PTPN12: variants seen among roughly 807,000 people sequenced by gnomAD.
The protein encoded by PTPN12 is protein tyrosine phosphatase non-receptor type 12.
Under a neutral mutation model 97.6 loss-of-function variants are expected in PTPN12, and 29 were observed. The observed-to-expected ratio is 0.30, with a 90% CI of 0.22 to 0.41. The LOEUF is 0.41. Among genes scored for constraint, PTPN12 ranks in the 10% least tolerant of loss-of-function variants. PTPN12 has a pLI of 1.00. For synonymous variants in PTPN12, 327 were observed against 300.4 expected, an observed-to-expected ratio of 1.09 and a Z score of -0.91; for missense variants, 819 against 926.0, an observed-to-expected ratio of 0.88 and a Z score of 1.50.
chr7:77,591,220 C>A (rs755061918), intron 5 of PTPN12, among the ~76,000 whole-genome samples: 8 of 152,154 alleles, frequency 5.3e-5, no homozygotes, highest in Non-Finnish European at 1.0e-4. Context: ...TAGGTAATAA[C>A]TCCATTTACT....
chr7:77,579,591 A>G (rs546072670), intron 2 of PTPN12, among the ~76,000 whole-genome samples: 1 of 152,356 alleles, frequency 6.6e-6, no homozygotes, highest in East Asian at 1.9e-4. Context: ...AAGTTCAGTG[A>G]GAGGCATGGG....
At chr7:77,580,096 CCAT>C (rs1428680887) in intron 2 of PTPN12, among the ~76,000 whole-genome samples, 2 of 152,022 alleles carry the variant, frequency 1.3e-5, no homozygotes, top group Non-Finnish European at 2.9e-5. Flanking sequence ...AAAAAATGGC[CCAT>C]CAGTAGAGTA....
Position 77,610,033 on chromosome 7 carries a change from C to T in PTPN12, c.763-732C>T, listed in dbSNP as rs1358490347. Among the ~76,000 whole-genome samples the T allele has an allele frequency of 2.0e-5, 3 of 152,226 alleles. No homozygotes were observed. In the East Asian group the frequency reaches 5.8e-4, roughly 29 times the overall value. ...GTTATGATATTTCTGCTTCTGTAAA[C>T]CTCCGCCAGTTTCTCACTCTTTCAG... On this transcript the variant is annotated intron_variant, in intron 9 of 17. Coordinates refer to ENST00000248594, the MANE Select transcript of PTPN12 (RefSeq NM_002835.4).
intron 12 of PTPN12, among the ~76,000 whole-genome samples, chr7:77,623,402 A>T (rs1169238693): frequency 6.6e-6 from 1 of 152,226 alleles, no homozygotes; most frequent in Non-Finnish European, 1.5e-5. Flanking sequence ...TTGTTAATCA[A>T]GTAAATCTGT....
chr7:77,582,940 G>A (rs1255744945), intron 3 of PTPN12, among the ~76,000 whole-genome samples: 1 of 152,054 alleles, frequency 6.6e-6, no homozygotes, highest in Non-Finnish European at 1.5e-5. Context: ...TATTTCAGAT[G>A]TTGTCAATGT....
intron 12 of PTPN12, among the ~76,000 whole-genome samples, chr7:77,623,803 A>T (rs1789031227): frequency 6.6e-6 from 1 of 152,200 alleles, no homozygotes; most frequent in South Asian, 2.1e-4. Context: ...ATTTATATCA[A>T]AATTTTATCT....
At position 77,597,832 on chromosome 7, in the gene PTPN12, CTTTAT is replaced by C; in HGVS notation, c.493-7_493-3del. 6.2e-7 allele frequency: 1 copy of C among 1,603,672 alleles called. No individual in the cohort carries two copies. The highest frequency in any genetic ancestry group is 8.5e-7 in the Non-Finnish European group (1 of 1,176,120). On this transcript the variant is annotated splice_region_variant and splice_polypyrimidine_tract_variant and intron_variant, in intron 6 of 17. Transcript: ENST00000248594. ...TTTTCACTGACTTAGAAATGTTTCT[CTTTAT>C]TTAGGAGGATGAACAAGCAAGAACA...
At chr7:77,539,762 G>A (rs1806861671) in intron 1 of PTPN12, among the ~76,000 whole-genome samples, 1 of 152,136 alleles carries the variant, frequency 6.6e-6, no homozygotes, top group Non-Finnish European at 1.5e-5. Context: ...CTGAGTAGCT[G>A]AGATTATAGG....
chr7:77,606,691 A>G (rs1009984108), intron 8 of PTPN12, among the ~76,000 whole-genome samples: 1 of 152,278 alleles, frequency 6.6e-6, no homozygotes, highest in Admixed American at 6.5e-5. Context: ...AACACTTTGT[A>G]AGTTTTAAAT....
intron 2 of PTPN12, among the ~76,000 whole-genome samples, chr7:77,581,077 G>C (rs1466483177): frequency 6.6e-6 from 1 of 151,902 alleles, no homozygotes; most frequent in East Asian, 1.9e-4. Flanking sequence ...TTTTGCTGTT[G>C]TTGTTTTGTT....
intron 8 of PTPN12, among the ~76,000 whole-genome samples, chr7:77,601,827 A>G (rs536985752): frequency 2.4e-4 from 37 of 152,260 alleles, no homozygotes; most frequent in African/African-American, 8.4e-4. Context: ...CTACTGAAAA[A>G]TTTAAAGCCG....
intron 16 of PTPN12, 59 bp from the exon 17 acceptor site, chr7:77,638,565 T>G: frequency 6.8e-7 from 1 of 1,463,100 alleles, no homozygotes; most frequent in Middle Eastern, 1.8e-4. Context: ...ATTAAAGAGT[T>G]ATATATATAT....
chr7:77,538,461 G>A (rs372949955), intron 1 of PTPN12, among the ~76,000 whole-genome samples: 1 of 151,712 alleles, frequency 6.6e-6, no homozygotes, highest in Non-Finnish European at 1.5e-5. Context: ...GGGAACTTGG[G>A]AACAATAGTC....
At chr7:77,552,990 C>G in intron 1 of PTPN12, among the ~76,000 whole-genome samples, 1 of 152,120 alleles carries the variant, frequency 6.6e-6, no homozygotes, top group East Asian at 1.9e-4. Flanking sequence ...AAAGGCCACC[C>G]CTTGCTCTTT....
chr7:77,565,564 G>C (rs1808223912), intron 1 of PTPN12, among the ~76,000 whole-genome samples: 1 of 152,180 alleles, frequency 6.6e-6, no homozygotes, highest in African/African-American at 2.4e-5. Context: ...TTTGACTCTG[G>C]AGAGATTTAA....
chr7:77,570,977 A>T (rs974466351), intron 1 of PTPN12, 101 bp from the exon 2 acceptor site: 3 of 670,136 alleles, frequency 4.5e-6, no homozygotes, highest in Non-Finnish European at 7.3e-6. Context: ...GCTAAGAGAC[A>T]GGAAAATGAG....
chr7:77,570,674 G>A (rs911189598), intron 1 of PTPN12, among the ~76,000 whole-genome samples: 3 of 152,206 alleles, frequency 2.0e-5, no homozygotes, highest in African/African-American at 7.2e-5. Flanking sequence ...AGAAAGCCTG[G>A]CACATCATGG....
chr7:77,543,966 G>T (rs6465742), intron 1 of PTPN12, among the ~76,000 whole-genome samples: 3 of 152,074 alleles, frequency 2.0e-5, no homozygotes, highest in African/African-American at 7.2e-5. Context: ...GAATAATGCA[G>T]CTATGAACAT....
At chr7:77,624,150 C>T (rs954531430) in intron 12 of PTPN12, among the ~76,000 whole-genome samples, 1 of 151,976 alleles carries the variant, frequency 6.6e-6, no homozygotes, top group South Asian at 2.1e-4. Flanking sequence ...ACCTGTAGTC[C>T]CAGCTGCTTG....
Sources: gnomAD v4.1 joint callset for allele counts (sites outside exome capture counted in the v4.1 genomes callset) on GRCh38, gnomAD v4.1.1 for gene constraint, MANE v1.5 for transcripts, NCBI Gene and HGNC (gene_info 2026-07-23, HGNC 2026-07-21) for gene names.